Variants in ZSWIM4 observed in about 807,000 individuals in gnomAD.
ZSWIM4 encodes zinc finger SWIM domain-containing protein 4.
In ZSWIM4, 62 loss-of-function variants were observed where a neutral mutation model predicts 102.5. That is an observed-to-expected ratio of 0.60 (90% CI 0.49 to 0.75). The LOEUF (loss-of-function observed/expected upper bound fraction) is 0.75, where lower values mean the gene tolerates loss of function less well. Ranked by LOEUF, ZSWIM4 falls within the 30% of genes least tolerant of loss-of-function variation. The pLI, the probability that ZSWIM4 is intolerant of heterozygous loss-of-function variation, is 0.00. For missense variants in ZSWIM4, 1,280 were observed against 1,529.6 expected (o/e 0.84, Z 2.72); for synonymous variants, 652 against 674.5 (o/e 0.97, Z 0.52).
chr19:13,820,004 C>T (rs570183993), intron 10 of ZSWIM4, among the ~76,000 whole-genome samples: 29 of 152,060 alleles, frequency 1.9e-4, no homozygotes, highest in South Asian at 1.5e-3. Flanking sequence ...CACAGGCGCC[C>T]GCCACCACGC....
chr19:13,825,959 T>C lies in ZSWIM4; in HGVS notation c.2379+246T>C, dbSNP rs559572640. 3.3e-5 allele frequency among the ~76,000 whole-genome samples: 5 copies of C among 150,376 alleles called. No individual in the cohort carries two copies. Among genetic ancestry groups the C allele is most frequent in the Admixed American group, 2.0e-4 (3 of 15,144 alleles). On this transcript the variant is annotated intron_variant, in intron 12 of 13. Transcript: ENST00000590508. The surrounding 1 kb of genome is among the most constrained non-coding windows in gnomAD (Gnocchi z 4.6). ...CACTTCCTTGGGGGCGTGGCATGAG[T>C]GAGCCACTCCCCTGGGAATGGGGAC...
intron 1 of ZSWIM4, 21 bp downstream of exon 1, chr19:13,795,822 CG>C (rs1360940883): frequency 4.9e-6 from 6 of 1,228,916 alleles, no homozygotes; most frequent in Non-Finnish European, 3.1e-6. Context: ...GGGAAGGGGG[CG>C]GGGGCAGGGA....
rs753289245 is a variant in ZSWIM4 at position 13,809,270 on chromosome 19, T to TGGG, written c.1012+53_1012+55dup. ...GTGGACACCGGGACTTCGGCTCCCATGGGGGCTGGCCCACTCCAAGATTAG... is the reference window on the plus strand; with the variant it reads ...GTGGACACCGGGACTTCGGCTCCCATGGGGGGGGCTGGCCCACTCCAAGATTAG... On this transcript the variant is annotated intron_variant, in intron 5 of 13. Coordinates refer to ENST00000590508, the MANE Select transcript of ZSWIM4 (RefSeq NM_001367834.3). The surrounding 1 kb of genome is among the most constrained non-coding windows in gnomAD (Gnocchi z 4.2). 8 of 1,549,726 alleles carry TGGG rather than the reference T, an allele frequency of 5.2e-6. No homozygotes were observed. Among genetic ancestry groups the TGGG allele is most frequent in the African/African-American group, 1.4e-5 (1 of 73,906 alleles).
intron 13 of ZSWIM4, among the ~76,000 whole-genome samples, chr19:13,829,574 G>C (rs1975700369): frequency 6.6e-6 from 1 of 152,262 alleles, no homozygotes; most frequent in East Asian, 1.9e-4. Flanking sequence ...CTGGGTGACA[G>C]AGCAAGACTC....
Position 13,828,683 on chromosome 19 carries a change from G to C in ZSWIM4, c.2418G>C (p.Arg806=). The change falls in exon 13 of 14, where the codon CGG becomes CGC. Residue 806 remains arginine, a synonymous_variant. Coordinates refer to ENST00000590508, the MANE Select transcript of ZSWIM4 (RefSeq NM_001367834.3). ...RMTLNVMTWR[R]REMVRWLVSC... is the part of the protein sequence containing the mutation. ...CTCTGAACGTAATGACCTGGCGGCG[G>C]AGGGAGATGGTGCGCTGGCTGGTCA... is the stretch of plus-strand genomic sequence containing the variant. The C allele has an allele frequency of 6.2e-7, 1 of 1,614,158 alleles. No homozygotes were observed. Among genetic ancestry groups the C allele is most frequent in the Non-Finnish European group, 8.5e-7 (1 of 1,180,026 alleles).
chr19:13,820,001 G>A (rs1374966567), intron 10 of ZSWIM4, among the ~76,000 whole-genome samples: 6 of 151,832 alleles, frequency 4.0e-5, no homozygotes, highest in Non-Finnish European at 7.4e-5. Flanking sequence ...GACCACAGGC[G>A]CCCGCCACCA....
At chr19:13,801,221 T>C (rs1974763815) in intron 2 of ZSWIM4, among the ~76,000 whole-genome samples, 1 of 149,624 alleles carries the variant, frequency 6.7e-6, no homozygotes, top group Admixed American at 6.6e-5. Flanking sequence ...GACATGGTGG[T>C]GAAGGTGCCA....
chr19:13,808,830 C>T lies in ZSWIM4; in HGVS notation c.713-6C>T. On this transcript the variant is annotated splice_polypyrimidine_tract_variant and splice_region_variant and intron_variant, in intron 3 of 13. Coordinates refer to ENST00000590508, the MANE Select transcript of ZSWIM4 (RefSeq NM_001367834.3). ...GCCTCAGCTTCCTTTCCCTCCCTCC[C>T]GGCAGGTGCCCCAGACCCCACCGCC... 2 of 1,596,542 alleles carry T rather than the reference C, an allele frequency of 1.3e-6. No individual in the cohort carries two copies. Among genetic ancestry groups the T allele is most frequent in the Non-Finnish European group, 1.7e-6 (2 of 1,170,558 alleles).
Position 13,799,909 on chromosome 19 carries a change from G to T in ZSWIM4, c.343G>T (p.Val115Leu), listed in dbSNP as rs1337576082. The T allele has an allele frequency of 6.2e-7, 1 of 1,610,624 alleles. No individual in the cohort carries two copies. The change falls in exon 2 of 14, where the codon GTG becomes TTG. Residue 115 changes from valine (V) to leucine (L), a missense_variant. Val to Leu is a conservative substitution (Grantham distance 32). Transcript: ENST00000590508. ...HLLQSGAVDR[V>L]LQVGFHLSGN... ...GCTCCAGAGCGGGGCCGTGGACCGC[G>T]TGTTGCAAGTGGGTGAGTCTTTGTC...
Position 13,830,793 on chromosome 19 carries a change from C to T in ZSWIM4, c.3064C>T (p.Leu1022=), listed in dbSNP as rs775435640. 2 of 1,606,074 alleles carry T rather than the reference C, an allele frequency of 1.2e-6. No individual in the cohort carries two copies. Among genetic ancestry groups the T allele is most frequent in the Non-Finnish European group, 1.7e-6 (2 of 1,176,078 alleles). The change falls in exon 14 of 14, where the codon CTG becomes TTG. Residue 1022 remains leucine (L), a synonymous_variant. Transcript: ENST00000590508. ...AGGGGCACGCCGGGCCGCCAAGCCACTGGGTGCCGACCGGGCGCCGCTCTG... is the reference window on the plus strand; with the variant it reads ...AGGGGCACGCCGGGCCGCCAAGCCATTGGGTGCCGACCGGGCGCCGCTCTG... ...PLGARRAAKP[L]GADRAPLCQL... is the part of the protein sequence containing the mutation.
At chr19:13,797,337 C>T (rs924928694) in intron 1 of ZSWIM4, among the ~76,000 whole-genome samples, 3 of 152,180 alleles carry the variant, frequency 2.0e-5, no homozygotes, top group Non-Finnish European at 4.4e-5. Flanking sequence ...CAGGACACCC[C>T]CTCCCCTCCT....
chr19:13,811,154 C>T (rs1427258755), intron 5 of ZSWIM4, among the ~76,000 whole-genome samples: 1 of 152,014 alleles, frequency 6.6e-6, no homozygotes, highest in East Asian at 1.9e-4. Flanking sequence ...ACCTCGTGAT[C>T]CGCCTGCCTA....
chr19:13,825,770 T>C lies in ZSWIM4; in HGVS notation c.2379+57T>C. ...ATGGTGGCTCGGGGCCAGGACTGAC[T>C]GTGAGCTGCGCCTCCCGGGGCATGG... On this transcript the variant is annotated intron_variant, in intron 12 of 13. Transcript: ENST00000590508. The surrounding 1 kb of genome is among the most constrained non-coding windows in gnomAD (Gnocchi z 4.6). 4 of 1,550,000 alleles carry C rather than the reference T, an allele frequency of 2.6e-6. No homozygotes were observed. The highest frequency in any genetic ancestry group is 3.5e-6 in the Non-Finnish European group (4 of 1,151,926).
chr19:13,805,552 G>A (rs531532189), intron 3 of ZSWIM4, among the ~76,000 whole-genome samples: 4 of 152,040 alleles, frequency 2.6e-5, no homozygotes, highest in Admixed American at 6.6e-5. Context: ...ACCAGGAGGC[G>A]TGGTGAGGGC....
intron 10 of ZSWIM4, among the ~76,000 whole-genome samples, chr19:13,821,055 G>A (rs913030431): frequency 4.6e-5 from 7 of 152,242 alleles, no homozygotes; most frequent in African/African-American, 1.2e-4. Context: ...AGGCCAAGGC[G>A]GACGGATCAC....
At chr19:13,810,857 G>A (rs556376142) in intron 5 of ZSWIM4, among the ~76,000 whole-genome samples, 10 of 146,862 alleles carry the variant, frequency 6.8e-5, no homozygotes, top group South Asian at 2.1e-4. Context: ...TGATCCGCCC[G>A]CCTCGGCTTC....
At chr19:13,795,877 A>G in intron 1 of ZSWIM4, 76 bp downstream of exon 1, 1 of 919,508 alleles carries the variant, frequency 1.1e-6, no homozygotes. Flanking sequence ...CTCCCCCACA[A>G]TCCCCAGACT....
intron 11 of ZSWIM4, among the ~76,000 whole-genome samples, chr19:13,824,282 C>T (rs1167873036): frequency 6.6e-6 from 1 of 152,186 alleles, no homozygotes; most frequent in Non-Finnish European, 1.5e-5. Context: ...TAATTATTGG[C>T]TGGGCACGGT....
At chr19:13,821,656 C>G (rs1159440882) in intron 10 of ZSWIM4, among the ~76,000 whole-genome samples, 1 of 152,160 alleles carries the variant, frequency 6.6e-6, no homozygotes, top group Non-Finnish European at 1.5e-5. Flanking sequence ...AAAGGATCCT[C>G]CCACCTAAGC....
Sources: allele counts gnomAD v4.1 joint callset (sites outside exome capture counted in the v4.1 genomes callset), GRCh38; gene constraint gnomAD v4.1.1; non-coding constraint Gnocchi (gnomAD v3.1); transcripts MANE v1.5; gene names NCBI Gene and HGNC (gene_info 2026-07-23, HGNC 2026-07-21).